The following POC1A variants were observed in gnomAD, a reference collection of about 807,000 sequenced individuals.
The protein encoded by POC1A is POC1 centriolar protein A.
POC1A carries 34 observed loss-of-function variants against 47.8 expected under a neutral mutation model. That is an observed-to-expected ratio of 0.71 (90% CI 0.54 to 0.95). The LOEUF is 0.95. POC1A is among the 40% of genes least tolerant of loss of function. The pLI is 0.00. For synonymous variants in POC1A, 177 were observed against 207.6 expected, an observed-to-expected ratio of 0.85 and a Z score of 1.27; for missense variants, 466 against 528.3, an observed-to-expected ratio of 0.88 and a Z score of 1.16.
chr3:52,088,331 T>C (rs780665356), intron 10 of POC1A, among the ~76,000 whole-genome samples: 3 of 152,216 alleles, frequency 2.0e-5, no homozygotes, highest in Non-Finnish European at 4.4e-5. Flanking sequence ...CTGGAGCCAC[T>C]GGCTGGGCCC....
chr3:52,117,417 T>A (rs1339056781), intron 9 of POC1A, among the ~76,000 whole-genome samples: 1 of 152,030 alleles, frequency 6.6e-6, no homozygotes, highest in Non-Finnish European at 1.5e-5. Flanking sequence ...ACGCATGAAA[T>A]CCCACGAAGG....
rs1268970660 is a variant in POC1A, at chr3:52,151,103, G to A, written c.19-3C>T. 6.2e-7 allele frequency: 1 copy of A among 1,613,642 alleles called. No homozygotes were observed. Among genetic ancestry groups the A allele is most frequent in the South Asian group, 1.1e-5 (1 of 91,062 alleles). On this transcript the variant is annotated splice_region_variant and splice_polypyrimidine_tract_variant and intron_variant, in intron 1 of 10. Coordinates refer to ENST00000296484, the MANE Select transcript of POC1A (RefSeq NM_015426.5). ...TGCCTTTCCAGCGAGGGGTCCTCCT[G>A]AGAGAGAGCCAGGGTCAAATGTGTG...
In POC1A at chr3:52,079,422, G is replaced by A. The variant is rs1021189432; in HGVS notation, c.1126-3437C>T. On this transcript the variant is annotated intron_variant, in intron 10 of 10. Transcript: ENST00000296484. The surrounding 1 kb of genome is among the most constrained non-coding windows in gnomAD (Gnocchi z 4.6). ...CCTGCCCTGGAGGGTGAGGAGGAGCGCTCTGCAGGCAAATACCTCTGCGGC... is the reference window on the plus strand; with the variant it reads ...CCTGCCCTGGAGGGTGAGGAGGAGCACTCTGCAGGCAAATACCTCTGCGGC... Among the ~76,000 whole-genome samples, 5 of 152,354 alleles carry A rather than the reference G, an allele frequency of 3.3e-5. No homozygotes were observed. The highest frequency in any genetic ancestry group is 2.1e-4 in the South Asian group (1 of 4,830).
At chr3:52,091,234 C>G (rs149504788) in intron 10 of POC1A, among the ~76,000 whole-genome samples, 1 of 152,042 alleles carries the variant, frequency 6.6e-6, no homozygotes, top group South Asian at 2.1e-4. Context: ...GAGAGGCGTG[C>G]GATCTCTCAG....
At chr3:52,091,178 G>A (rs1160976926) in intron 10 of POC1A, among the ~76,000 whole-genome samples, 1 of 152,052 alleles carries the variant, frequency 6.6e-6, no homozygotes, top group African/African-American at 2.4e-5. Context: ...ATAGGGGAGG[G>A]GTGGGTCTCA....
chr3:52,081,314 CT>C (rs1363927729), intron 10 of POC1A, among the ~76,000 whole-genome samples: 1 of 152,206 alleles, frequency 6.6e-6, no homozygotes, highest in Non-Finnish European at 1.5e-5. Flanking sequence ...AAAATCTTTA[CT>C]GTTTAAATTT....
Position 52,096,732 on chromosome 3 carries a change from A to T in POC1A, c.982-20T>A, listed in dbSNP as rs767996745. Reference sequence around the variant, plus strand: ...TTCTGGCTAAAGACAGAAAGAAAAAAGTTCCTCAGTCTATCCAGTGCTTGA... The same window carrying T: ...TTCTGGCTAAAGACAGAAAGAAAAATGTTCCTCAGTCTATCCAGTGCTTGA... On this transcript the variant is annotated intron_variant, in intron 9 of 10. Transcript: ENST00000296484. 6.4e-7 allele frequency: 1 copy of T among 1,562,626 alleles called. No individual in the cohort carries two copies. Among genetic ancestry groups the T allele is most frequent in the Non-Finnish European group, 8.6e-7 (1 of 1,160,694 alleles).
Position 52,112,895 on chromosome 3 carries a change from C to T in POC1A, c.981+9484G>A, listed in dbSNP as rs183302757. 1.9e-4 allele frequency among the ~76,000 whole-genome samples: 29 copies of T among 152,340 alleles called. 1 individual carries two copies. The highest frequency in any genetic ancestry group is 3.7e-4 in the Non-Finnish European group (25 of 68,034). On this transcript the variant is annotated intron_variant, in intron 9 of 10. Transcript: ENST00000296484. ...ACTGTTTTCCAAAAGACCAGTGGTT[C>T]TCCAAGTGAGTCCCTGGATCAGCAG...
intron 9 of POC1A, among the ~76,000 whole-genome samples, chr3:52,114,077 C>CG (rs1703474758): frequency 6.6e-6 from 1 of 152,178 alleles, no homozygotes; most frequent in African/African-American, 2.4e-5. Context: ...CCACCTCAGG[C>CG]TGGGTCCCAG....
intron 10 of POC1A, among the ~76,000 whole-genome samples, chr3:52,081,387 G>C (rs1702274426): frequency 6.6e-6 from 1 of 152,210 alleles, no homozygotes; most frequent in Admixed American, 6.5e-5. Context: ...CCCAACGCTG[G>C]CCTGTGCCTG....
chr3:52,089,785 G>A (rs1702585738), intron 10 of POC1A, among the ~76,000 whole-genome samples: 1 of 152,126 alleles, frequency 6.6e-6, no homozygotes, highest in African/African-American at 2.4e-5. Context: ...AAAATTGGGG[G>A]TCTATTTCCA....
intron 7 of POC1A, among the ~76,000 whole-genome samples, chr3:52,125,928 T>C (rs1703980362): frequency 6.6e-6 from 1 of 152,130 alleles, no homozygotes; most frequent in Admixed American, 6.5e-5. Flanking sequence ...ATGCATGATC[T>C]CCTAGCAAAG....
chr3:52,135,373 A>G (rs1406542943), intron 7 of POC1A, among the ~76,000 whole-genome samples: 5 of 152,150 alleles, frequency 3.3e-5, no homozygotes, highest in African/African-American at 1.2e-4. Context: ...ACATTAGCTG[A>G]ATCTGTTTTT....
rs141799278 is a variant in POC1A at position 52,143,239 on chromosome 3, A to C, written c.679+2607T>G. ...CCCAGCAGGGCCTGTCAGCCCACAC[A>C]CTCAGCTCCACTCAGGACTCAGCCC... On this transcript the variant is annotated intron_variant, in intron 6 of 10. Transcript: ENST00000296484. Among the ~76,000 whole-genome samples the C allele has an allele frequency of 3.6e-4, 54 of 151,786 alleles. No individual in the cohort carries two copies. In the Middle Eastern group the frequency reaches 0.01, roughly 29 times the overall value.
intron 6 of POC1A, among the ~76,000 whole-genome samples, 167 bp from the exon 7 acceptor site, chr3:52,138,469 GGA>G (rs1271499255): frequency 1.3e-5 from 2 of 152,196 alleles, no homozygotes; most frequent in African/African-American, 4.8e-5. Context: ...GGATTTCCCA[GGA>G]GAGGGGCACA....
In POC1A at chr3:52,149,910, T is replaced by C; in HGVS notation, c.181A>G (p.Lys61Glu). 2 of 1,613,926 alleles carry C rather than the reference T, an allele frequency of 1.2e-6. No individual in the cohort carries two copies. Among genetic ancestry groups the C allele is most frequent in the South Asian group, 2.2e-5 (2 of 91,084 alleles). Residue 61 changes from lysine to glutamate, a missense_variant, in exon 3 of 11, where the codon AAG (lysine) becomes GAG (glutamate). Transcript: ENST00000296484. ...QSRAYRFTGH[K>E]DAVTCVNFSP... Reference sequence around the variant, plus strand: ...AAGTTCACACAGGTGACGGCATCCTTGTGGCCAGTGAAGCGGTAGGCGCGT... The same window carrying C: ...AAGTTCACACAGGTGACGGCATCCTCGTGGCCAGTGAAGCGGTAGGCGCGT...
At chr3:52,094,577 A>G (rs540996067) in intron 10 of POC1A, among the ~76,000 whole-genome samples, 1 of 152,392 alleles carries the variant, frequency 6.6e-6, no homozygotes, top group African/African-American at 2.4e-5. Context: ...GGATTAGCAC[A>G]AAGGTGCTAT....
At chr3:52,127,764 T>C (rs368692264) in intron 7 of POC1A, among the ~76,000 whole-genome samples, 6 of 152,018 alleles carry the variant, frequency 3.9e-5, no homozygotes, top group African/African-American at 1.4e-4. Flanking sequence ...GGTACAGTCT[T>C]GGCTCACTGC....
Position 52,149,799 on chromosome 3 carries a change from C to G in POC1A, c.275+17G>C, listed in dbSNP as rs773009176. 17 of 1,608,122 alleles carry G rather than the reference C, an allele frequency of 1.1e-5. No homozygotes were observed. The highest frequency in any genetic ancestry group is 1.7e-4 in the Middle Eastern group (1 of 6,018). ...GGCCCCAGACTCCAACAAGCCTCCT[C>G]AAAGTGTACGACTCACACATTGGGT... On this transcript the variant is annotated intron_variant, in intron 3 of 10. Coordinates refer to ENST00000296484, the MANE Select transcript of POC1A (RefSeq NM_015426.5).
Sources: gnomAD v4.1 joint callset for allele counts (sites outside exome capture counted in the v4.1 genomes callset) on GRCh38, gnomAD v4.1.1 for gene constraint, Gnocchi (gnomAD v3.1) non-coding constraint, MANE v1.5 for transcripts, NCBI Gene and HGNC (gene_info 2026-07-23, HGNC 2026-07-21) for gene names.